Variants in NOX4 observed in about 807,000 individuals in gnomAD.
NOX4 encodes kidney oxidase-1.
A neutral mutation model predicts 87.6 loss-of-function variants in NOX4; 69 were observed. The ratio of observed to expected loss-of-function variants is 0.79; its 90% confidence interval spans 0.65 to 0.96. The LOEUF (loss-of-function observed/expected upper bound fraction) is 0.96, where lower values mean the gene tolerates loss of function less well. Among genes scored for constraint, NOX4 ranks in the 40% least tolerant of loss-of-function variants. The probability of loss-of-function intolerance (pLI) is 0.00; values close to 1 mark genes in which losing one functional copy is unlikely to be tolerated. For missense variants in NOX4, 680 were observed against 681.5 expected (o/e 1.00, Z 0.02); for synonymous variants, 275 against 238.2 (o/e 1.15, Z -1.42).
chr11:89,471,073 T>C (rs191336559), intron 2 of NOX4, among the ~76,000 whole-genome samples: 8 of 152,294 alleles, frequency 5.3e-5, no homozygotes, highest in Non-Finnish European at 1.0e-4. Context: ...TATCCCTATC[T>C]CCACCCTCAC....
chr11:89,518,987 G>T, the NOX4 span, among the ~76,000 whole-genome samples: 1 of 152,024 alleles, frequency 6.6e-6, no homozygotes, highest in Non-Finnish European at 1.5e-5. Context: ...ACATAGGACT[G>T]CATTACATTG....
In NOX4 at chr11:89,440,314, ATTTATT is replaced by A. The variant is rs941661746; in HGVS notation, c.475+368_475+373del. ...ATTTGATAATGCTTAGTTTTATTTTATTTATTTTTATTTTTATTTTTTAGACGGAGT... is the reference window on the plus strand; with the variant it reads ...ATTTGATAATGCTTAGTTTTATTTTATTTATTTTTATTTTTTAGACGGAGT... On this transcript the variant is annotated intron_variant, in intron 6 of 17. Coordinates refer to ENST00000263317, the MANE Select transcript of NOX4 (RefSeq NM_016931.5). 5.2e-4 allele frequency among the ~76,000 whole-genome samples: 79 copies of A among 151,866 alleles called. 2 individuals carry two copies. Among genetic ancestry groups the A allele is most frequent in the Non-Finnish European group, 1.2e-4 (8 of 67,976 alleles).
At chr11:89,520,864 T>C in the NOX4 span, among the ~76,000 whole-genome samples, 1 of 152,286 alleles carries the variant, frequency 6.6e-6, no homozygotes, top group Admixed American at 6.5e-5. Context: ...ACAAAATCAA[T>C]GTACAAAAAT....
intron 1 of NOX4, among the ~76,000 whole-genome samples, chr11:89,497,316 G>GA (rs1420390400): frequency 6.6e-6 from 1 of 152,124 alleles, no homozygotes; most frequent in Admixed American, 6.5e-5. Flanking sequence ...AGAAGTGTCT[G>GA]AAAAAATATT....
At chr11:89,506,659 GAATAA>G in the NOX4 span, among the ~76,000 whole-genome samples, 1 of 151,682 alleles carries the variant, frequency 6.6e-6, no homozygotes, top group Non-Finnish European at 1.5e-5. Context: ...CCACAGACAT[GAATAA>G]AATATCTGTA....
chr11:89,416,727 C>T (rs1165130300), intron 8 of NOX4, among the ~76,000 whole-genome samples: 1 of 152,074 alleles, frequency 6.6e-6, no homozygotes, highest in Non-Finnish European at 1.5e-5. Flanking sequence ...CTGTGCTCCC[C>T]TGGCATAAAG....
At chr11:89,379,939 GAGTGATCCTGTTGAAA>G (rs1266873664) in intron 11 of NOX4, among the ~76,000 whole-genome samples, 1 of 152,088 alleles carries the variant, frequency 6.6e-6, no homozygotes, top group Non-Finnish European at 1.5e-5. Context: ...ACAGCAGCCA[GAGTGATCCTGTTGAAA>G]AGTAAGCCAT....
chr11:89,504,175 AT>A, the NOX4 span, among the ~76,000 whole-genome samples: 1 of 151,786 alleles, frequency 6.6e-6, no homozygotes, highest in Non-Finnish European at 1.5e-5. Context: ...AGGAAATAGC[AT>A]GAGCAAATTC....
At chr11:89,425,226 C>T (rs1943311379) in intron 7 of NOX4, among the ~76,000 whole-genome samples, 1 of 151,860 alleles carries the variant, frequency 6.6e-6, no homozygotes, top group African/African-American at 2.4e-5. Context: ...AATTGGCACC[C>T]TCATGTACTG....
the NOX4 span, among the ~76,000 whole-genome samples, chr11:89,571,690 T>C: frequency 1.8e-5 from 2 of 111,298 alleles, no homozygotes; most frequent in South Asian, 2.7e-4. Flanking sequence ...TTTACTTTTG[T>C]GAAAAAAAAA....
At chr11:89,359,020 T>G (rs562400118) in intron 12 of NOX4, among the ~76,000 whole-genome samples, 1 of 152,010 alleles carries the variant, frequency 6.6e-6, no homozygotes, top group Admixed American at 6.6e-5. Context: ...TTTCTACCAG[T>G]AGGAGATATA....
chr11:89,428,688 A>C (rs1943595085), intron 7 of NOX4, among the ~76,000 whole-genome samples: 1 of 152,200 alleles, frequency 6.6e-6, no homozygotes, highest in African/African-American at 2.4e-5. Flanking sequence ...ATATGCACCC[A>C]ATACAGGAGC....
chr11:89,343,252 GA>G (rs980408552), intron 13 of NOX4, among the ~76,000 whole-genome samples: 1 of 152,172 alleles, frequency 6.6e-6, no homozygotes, highest in East Asian at 1.9e-4. Flanking sequence ...GGATGCTACA[GA>G]AAAAAAGTGT....
At chr11:89,391,103 T>C (rs546312970) in intron 11 of NOX4, among the ~76,000 whole-genome samples, 1 of 152,264 alleles carries the variant, frequency 6.6e-6, no homozygotes, top group Admixed American at 6.5e-5. Context: ...CAGATATGCA[T>C]TGATTATGCA....
At chr11:89,550,342 C>A in the NOX4 span, among the ~76,000 whole-genome samples, 1 of 151,998 alleles carries the variant, frequency 6.6e-6, no homozygotes, top group African/African-American at 2.4e-5. Flanking sequence ...CCAGCCACCA[C>A]GTCCAGCTAA....
the NOX4 span, among the ~76,000 whole-genome samples, chr11:89,508,762 T>C: frequency 6.6e-6 from 1 of 152,060 alleles, no homozygotes; most frequent in South Asian, 2.1e-4. Context: ...TCAAAACACT[T>C]TCTCAGGTAG....
At chr11:89,371,304 G>T (rs555498432) in intron 12 of NOX4, among the ~76,000 whole-genome samples, 34 of 152,048 alleles carry the variant, frequency 2.2e-4, no homozygotes, top group African/African-American at 7.9e-4. Flanking sequence ...TCTATTAATT[G>T]AAAAGCATCT....
At chr11:89,418,729 G>T (rs538521107) in intron 8 of NOX4, among the ~76,000 whole-genome samples, 2 of 152,016 alleles carry the variant, frequency 1.3e-5, no homozygotes, top group East Asian at 3.9e-4. Flanking sequence ...GTGAGAATTA[G>T]AACTTCCCCT....
chr11:89,536,152 T>C, the NOX4 span, among the ~76,000 whole-genome samples: 1 of 141,056 alleles, frequency 7.1e-6, no homozygotes, highest in Admixed American at 7.0e-5. Flanking sequence ...TTTTTTTTTT[T>C]TTTTTTTTTT....
Sources: allele counts gnomAD v4.1 joint callset (sites outside exome capture counted in the v4.1 genomes callset), GRCh38; gene constraint gnomAD v4.1.1; transcripts MANE v1.5; gene names NCBI Gene and HGNC (gene_info 2026-07-23, HGNC 2026-07-21).